Variants in KAT2B observed in about 807,000 individuals in gnomAD.
The protein encoded by KAT2B is lysine acetyltransferase 2B.
KAT2B carries 36 observed loss-of-function variants against 105.9 expected under a neutral mutation model. That is an observed-to-expected ratio of 0.34 (90% CI 0.26 to 0.45). The LOEUF is 0.45. Among genes scored for constraint, KAT2B ranks in the 20% least tolerant of loss-of-function variants. The pLI is 1.00. For synonymous variants in KAT2B, 397 were observed against 377.9 expected (o/e 1.05, Z -0.59); for missense variants, 820 against 1,021.6 (o/e 0.80, Z 2.69).
chr3:20,055,943 C>T (rs576980206), intron 1 of KAT2B, among the ~76,000 whole-genome samples: 3 of 152,154 alleles, frequency 2.0e-5, no homozygotes, highest in African/African-American at 4.8e-5. Flanking sequence ...GAGATTAATC[C>T]GTGGTGTTGG....
intron 2 of KAT2B, 45 bp downstream of exon 2, chr3:20,072,504 G>T (rs748137421): frequency 1.3e-6 from 2 of 1,581,838 alleles, no homozygotes; most frequent in East Asian, 4.5e-5. Flanking sequence ...GTTCATTGTA[G>T]CGTGAGACTC....
At chr3:20,077,771 A>G (rs544357990) in intron 2 of KAT2B, among the ~76,000 whole-genome samples, 48 of 152,356 alleles carry the variant, frequency 3.2e-4, no homozygotes, top group Admixed American at 1.3e-3. Flanking sequence ...AATAATATTC[A>G]GTTTACAAAA....
At chr3:20,107,958 G>A (rs1699053172) in intron 5 of KAT2B, among the ~76,000 whole-genome samples, 1 of 151,650 alleles carries the variant, frequency 6.6e-6, no homozygotes, top group Non-Finnish European at 1.5e-5. Flanking sequence ...ACAGGCGCCT[G>A]CCACCATGCC....
intron 10 of KAT2B, 78 bp from the exon 11 acceptor site, chr3:20,127,345 G>T: frequency 1.6e-6 from 2 of 1,263,054 alleles, no homozygotes; most frequent in Admixed American, 3.8e-5. Context: ...TTTCTTAGTT[G>T]GTTAATAAGG....
intron 3 of KAT2B, 37 bp from the exon 4 acceptor site, chr3:20,099,821 TTAAG>T (rs1698878142): frequency 2.8e-6 from 3 of 1,079,634 alleles, no homozygotes; most frequent in Admixed American, 3.8e-5. Context: ...GACATACCAA[TTAAG>T]TTTTTCTTTT....
intron 11 of KAT2B, among the ~76,000 whole-genome samples, chr3:20,133,007 C>A (rs1417782554): frequency 6.6e-6 from 1 of 152,194 alleles, no homozygotes; most frequent in African/African-American, 2.4e-5. Flanking sequence ...AACTGGCCAA[C>A]CATTTGCTTT....
At chr3:20,141,513 C>T (rs1203141442) in intron 13 of KAT2B, among the ~76,000 whole-genome samples, 1 of 152,170 alleles carries the variant, frequency 6.6e-6, no homozygotes, top group African/African-American at 2.4e-5. Context: ...TGTCATCCCA[C>T]GTCAATTCCA....
At chr3:20,134,436 CG>C (rs142430499) in intron 11 of KAT2B, among the ~76,000 whole-genome samples, 9,413 of 152,222 alleles carry the variant, frequency 0.062, 956 homozygotes, top group African/African-American at 0.21. Flanking sequence ...CTCGCTCTGT[CG>C]CCAGGCTGGA....
chr3:20,140,459 G>C, intron 13 of KAT2B, 95 bp downstream of exon 13: 2 of 1,249,042 alleles, frequency 1.6e-6, no homozygotes, highest in Non-Finnish European at 1.1e-6. Flanking sequence ...GTGTTTACTG[G>C]ATAGCAAACT....
intron 13 of KAT2B, among the ~76,000 whole-genome samples, chr3:20,141,681 C>T (rs955330260): frequency 6.6e-6 from 1 of 151,794 alleles, no homozygotes; most frequent in African/African-American, 2.4e-5. Flanking sequence ...AGCCCTAAAG[C>T]TTTTTACACA....
At chr3:20,095,225 T>C (rs767947876) in intron 2 of KAT2B, 38 bp from the exon 3 acceptor site, 2 of 1,570,404 alleles carry the variant, frequency 1.3e-6, no homozygotes, top group Admixed American at 1.8e-5. Context: ...TGGTTTCCAA[T>C]TGAGGTCTTA....
At chr3:20,096,564 A>G (rs1038893663) in intron 3 of KAT2B, among the ~76,000 whole-genome samples, 6 of 152,376 alleles carry the variant, frequency 3.9e-5, no homozygotes, top group Admixed American at 3.9e-4. Context: ...CTCAGAGCTT[A>G]TGGGTAGGAA....
At chr3:20,146,117 T>G (rs1699779712) in intron 13 of KAT2B, among the ~76,000 whole-genome samples, 199 bp from the exon 14 acceptor site, 1 of 152,222 alleles carries the variant, frequency 6.6e-6, no homozygotes, top group Admixed American at 6.5e-5. Context: ...CTCAAAGATG[T>G]TTTTGTGAAT....
intron 5 of KAT2B, among the ~76,000 whole-genome samples, chr3:20,104,759 T>G (rs1366714972): frequency 6.6e-6 from 1 of 152,212 alleles, no homozygotes; most frequent in Non-Finnish European, 1.5e-5. Context: ...ATGATTGTGT[T>G]CATTACAGAG....
At chr3:20,136,537 C>T (rs1207449721) in intron 11 of KAT2B, among the ~76,000 whole-genome samples, 1 of 149,310 alleles carries the variant, frequency 6.7e-6, no homozygotes, top group East Asian at 1.9e-4. Context: ...TCATTTGCAT[C>T]TTTTTTTTTT....
At chr3:20,048,665 T>C (rs1697858119) in intron 1 of KAT2B, among the ~76,000 whole-genome samples, 1 of 152,144 alleles carries the variant, frequency 6.6e-6, no homozygotes, top group South Asian at 2.1e-4. Flanking sequence ...CTCAGTGGCT[T>C]CTGATTTAGT....
chr3:20,092,900 C>T (rs6550339), intron 2 of KAT2B, among the ~76,000 whole-genome samples: 49,429 of 151,606 alleles, frequency 0.33, 9,054 homozygotes, highest in African/African-American at 0.51. Context: ...TGGGGTTTCA[C>T]CATATTGGAC....
intron 2 of KAT2B, among the ~76,000 whole-genome samples, chr3:20,089,679 T>C (rs1313578402): frequency 6.6e-6 from 1 of 152,160 alleles, no homozygotes; most frequent in Admixed American, 6.6e-5. Flanking sequence ...GGACTCCCAG[T>C]GTGAGCCACT....
chr3:20,062,326 A>G (rs1398311047), intron 1 of KAT2B, among the ~76,000 whole-genome samples: 13 of 86,674 alleles, frequency 1.5e-4, no homozygotes, highest in African/African-American at 5.6e-4. Context: ...TAAAATATTT[A>G]TTATGTATAA....
Sources: allele counts gnomAD v4.1 joint callset (sites outside exome capture counted in the v4.1 genomes callset), GRCh38; gene constraint gnomAD v4.1.1; transcripts MANE v1.5; gene names NCBI Gene and HGNC (gene_info 2026-07-23, HGNC 2026-07-21).